Variants in MDC1 observed in about 807,000 individuals in gnomAD.
The protein encoded by MDC1 is mediator of DNA damage checkpoint 1, also known as mediator of DNA damage checkpoint protein 1.
A neutral mutation model predicts 142.5 loss-of-function variants in MDC1; 81 were observed. That is an observed-to-expected ratio of 0.57 (90% CI 0.47 to 0.68). The LOEUF (loss-of-function observed/expected upper bound fraction) is 0.68. MDC1 is among the 30% of genes least tolerant of loss of function. MDC1 has a pLI of 0.00. For missense variants in MDC1, 2,119 were observed against 2,547.9 expected, an observed-to-expected ratio of 0.83 and a Z score of 3.62; for synonymous variants, 797 against 968.4, an observed-to-expected ratio of 0.82 and a Z score of 3.29.
rs758815773 is a variant in MDC1, at chr6:30,711,744, TAA to T, written c.2069-20_2069-19del. ...TTCAGAATCTGGTCGGGGAGGAATA[TAA>T]GACAGTTTAAAACAAAAATCATACC... On this transcript the variant is annotated intron_variant, in intron 5 of 14. Transcript: ENST00000376406. 1.9e-6 allele frequency: 3 copies of T among 1,606,512 alleles called. No homozygotes were observed. Among genetic ancestry groups the T allele is most frequent in the Non-Finnish European group, 1.7e-6 (2 of 1,176,772 alleles).
Position 30,712,037 on chromosome 6 carries a change from C to G in MDC1, c.1905G>C (p.Glu635Asp). Residue 635 changes from glutamate to aspartate, a missense_variant, in exon 5 of 15, where the codon GAG becomes GAC. Coordinates refer to ENST00000376406, the MANE Select transcript of MDC1 (RefSeq NM_014641.3). This position sits in a 1 kb window ranked among gnomAD's most constrained non-coding sequence, Gnocchi z 4.7. ...TCTCTCTTGAGATAGGGAGGTCCTG[C>G]TCCACTTGTGCCACAGGTGGCCCAC... ...AQGGPPVAQV[E>D]QDLPISRENL... 6.3e-7 allele frequency: 1 copy of G among 1,596,096 alleles called. No homozygotes were observed. Among genetic ancestry groups the G allele is most frequent in the Admixed American group, 1.7e-5 (1 of 58,060 alleles).
Position 30,705,623 on chromosome 6 carries a change from G to A in MDC1, c.3560C>T (p.Thr1187Ile). The A allele has an allele frequency of 6.2e-7, 1 of 1,605,042 alleles. No individual in the cohort carries two copies. Among genetic ancestry groups the A allele is most frequent in the Non-Finnish European group, 8.5e-7 (1 of 1,175,908 alleles). The change falls in exon 10 of 15, where the codon ACT becomes ATT. Residue 1187 changes from threonine to isoleucine, a missense_variant. Thr to Ile is a moderately conservative substitution (Grantham distance 89). Transcript: ENST00000376406. ...AGAGGATCTACTTTTTCTTCCCCTA[G>A]TAACCTGAGATGTGGGCTCAGAGGT... ...PVTSEPTSQV[T>I]RGRKSRSSVK...
chr6:30,707,541 T>G (rs746541418), intron 8 of MDC1, 25 bp downstream of exon 8: 1 of 1,612,832 alleles, frequency 6.2e-7, no homozygotes, highest in South Asian at 1.1e-5. Flanking sequence ...TGTATCACCT[T>G]GGGTTCCCCT....
Position 30,704,346 on chromosome 6 carries a change from C to T in MDC1, c.4837G>A (p.Val1613Ile), listed in dbSNP as rs774015361. The T allele has an allele frequency of 1.9e-6, 3 of 1,613,180 alleles. No individual in the cohort carries two copies. The highest frequency in any genetic ancestry group is 2.5e-6 in the Non-Finnish European group (3 of 1,179,712). The change falls in exon 10 of 15, where the codon GTC (valine) becomes ATC (isoleucine). Residue 1613 changes from valine (V) to isoleucine (I), a missense_variant. Physicochemically the swap from Val to Ile is conservative, Grantham distance 29 (BLOSUM62 3). Transcript: ENST00000376406. ...RSSVKTPEPV[V>I]PTAPEPHPTT... ...GGATGGGGCTCAGGGGCTGTGGGGA[C>T]AACTGGCTCAGGGGTCTTGACAGAG...
Position 30,708,156 on chromosome 6 carries a change from T to G in MDC1, c.2423A>C (p.Gln808Pro). ...EPMGIQGRGR[Q>P]TVDKVMGIPK... ...TATACCCATGACTTTATCCACAGTCTGCCTCCCTCTGCCTTGAATCCCCAT... is the reference window on the plus strand; with the variant it reads ...TATACCCATGACTTTATCCACAGTCGGCCTCCCTCTGCCTTGAATCCCCAT... Residue 808 changes from glutamine to proline, a missense_variant, in exon 8 of 15, where the codon CAG becomes CCG. Transcript: ENST00000376406. 4 of 1,613,174 alleles carry G rather than the reference T, an allele frequency of 2.5e-6. No individual in the cohort carries two copies. The highest frequency in any genetic ancestry group is 3.4e-6 in the Non-Finnish European group (4 of 1,180,026).
chr6:30,714,455 A>G (rs1053048738), intron 2 of MDC1, among the ~76,000 whole-genome samples: 1 of 152,262 alleles, frequency 6.6e-6, no homozygotes, highest in African/African-American at 2.4e-5. Context: ...GTGCATTCAC[A>G]CTGTTGTGCA....
rs1774200017 is a variant in MDC1, at chr6:30,708,001, C to T, written c.2578G>A (p.Glu860Lys). ...EELTKGKQDR[E>K]QKQLLARDTQ... The stretch of plus-strand genomic sequence containing the variant: ...TCTCTAGCTAACAACTGTTTTTGTT[C>T]TCTGTCCTGTTTCCCCTTGGTTAAT... Residue 860 changes from glutamate to lysine, a missense_variant, in exon 8 of 15, where the codon GAA (glutamate) becomes AAA (lysine). Physicochemically the swap from Glu to Lys is moderately conservative, Grantham distance 56 (BLOSUM62 1). Transcript: ENST00000376406. The T allele has an allele frequency of 6.2e-7, 1 of 1,613,046 alleles. No homozygotes were observed. Among genetic ancestry groups the T allele is most frequent in the Non-Finnish European group, 8.5e-7 (1 of 1,180,030 alleles).
Position 30,712,632 on chromosome 6 carries a change from T to C in MDC1, c.1310A>G (p.Gln437Arg). 2 of 1,612,906 alleles carry C rather than the reference T, an allele frequency of 1.2e-6. No homozygotes were observed. The highest frequency in any genetic ancestry group is 1.7e-6 in the Non-Finnish European group (2 of 1,179,902). Residue 437 changes from glutamine (Q) to arginine (R), a missense_variant, in exon 5 of 15, where the codon CAA becomes CGA. Physicochemically the swap from Gln to Arg is conservative, Grantham distance 43. Coordinates refer to ENST00000376406, the MANE Select transcript of MDC1 (RefSeq NM_014641.3). The surrounding 1 kb of genome is among the most constrained non-coding windows in gnomAD (Gnocchi z 4.7). ...WNRDAEEDMP[Q>R]RVVLLQRSQT... is the part of the protein sequence containing the mutation. ...GCTTCGCTGCAGAAGGACCACACGT[T>C]GGGGCATGTCCTCTTCTGCATCTCT...
intron 9 of MDC1, among the ~76,000 whole-genome samples, chr6:30,707,049 T>C (rs1385891005): frequency 6.6e-6 from 1 of 152,190 alleles, no homozygotes; most frequent in Non-Finnish European, 1.5e-5. Flanking sequence ...GGGATCTACC[T>C]GGGAAGCTAC....
At position 30,712,475 on chromosome 6, in the gene MDC1, T is replaced by C. The variant is rs61733210; in HGVS notation, c.1467A>G (p.Gln489=). 1.0e-2 allele frequency: 16,073 copies of C among 1,612,872 alleles called. 111 individuals carry two copies. The highest frequency in any genetic ancestry group is 0.012 in the Non-Finnish European group (14,377 of 1,179,978). ...TGTCATCACTGTCCCCAAAAGGAGGTTGGTCCTTTTCTGAATGTGCTCTAA... is the reference window on the plus strand; with the variant it reads ...TGTCATCACTGTCCCCAAAAGGAGGCTGGTCCTTTTCTGAATGTGCTCTAA... ...ALVRAHSEKD[Q]PPFGDSDDSV... Residue 489 remains glutamine, a synonymous_variant, in exon 5 of 15, where the codon CAA becomes CAG. Coordinates refer to ENST00000376406, the MANE Select transcript of MDC1 (RefSeq NM_014641.3). The surrounding 1 kb of genome is among the most constrained non-coding windows in gnomAD (Gnocchi z 4.7).
chr6:30,705,428 G>T lies in MDC1; in HGVS notation c.3755C>A (p.Pro1252His). Residue 1252 changes from proline to histidine, a missense_variant, in exon 10 of 15, where the codon CCT becomes CAT. Transcript: ENST00000376406. ...PVVPTAPELQ[P>H]STSTDQPVTS... ...GACAGGCTGGTCTGTGGAGGTGGAA[G>T]GCTGGAGCTCAGGGGCTGTGGGGAC... 6.2e-7 allele frequency: 1 copy of T among 1,604,356 alleles called. No homozygotes were observed. The highest frequency in any genetic ancestry group is 8.5e-7 in the Non-Finnish European group (1 of 1,176,976).
At position 30,705,497 on chromosome 6, in the gene MDC1, C is replaced by A. The variant is rs1348049159; in HGVS notation, c.3686G>T (p.Arg1229Met). Residue 1229 changes from arginine to methionine, a missense_variant, in exon 10 of 15, where the codon AGG (arginine) becomes ATG (methionine). Transcript: ENST00000376406. ...VTSEPTSQAT[R>M]GRKNRSSVKT... ...GACAGAGGATCTATTTTTTCTTCCCCTAGTAGCCTGAGAGGTGGGTTCAGA... is the reference window on the plus strand; with the variant it reads ...GACAGAGGATCTATTTTTTCTTCCCATAGTAGCCTGAGAGGTGGGTTCAGA... 1.2e-6 allele frequency: 2 copies of A among 1,604,822 alleles called. No individual in the cohort carries two copies. Among genetic ancestry groups the A allele is most frequent in the Non-Finnish European group, 1.7e-6 (2 of 1,176,738 alleles).
chr6:30,700,264 TAAAA>T lies in MDC1; in HGVS notation c.*197_*200del. ...AATACAAATAAAATAAAATGGCCAT[TAAAA>T]AAACAAACAAACAAACAAAAAACAA... On this transcript the variant is annotated 3_prime_UTR_variant, in exon 15 of 15. Transcript: ENST00000376406. 2.2e-6 allele frequency: 1 copy of T among 458,702 alleles called. No homozygotes were observed. Among genetic ancestry groups the T allele is most frequent in the Non-Finnish European group, 3.7e-6 (1 of 267,374 alleles). 28.4% of individuals were successfully genotyped at this position (458,702 alleles called of 1,614,324 possible). A position where few individuals can be genotyped will look rare whatever the true frequency, so the allele number is the denominator to read the frequency against.
chr6:30,703,938 T>G lies in MDC1; in HGVS notation c.5245A>C (p.Lys1749Gln). The change falls in exon 10 of 15, where the codon AAA becomes CAA. Residue 1749 changes from lysine (K) to glutamine (Q), a missense_variant. Lys to Gln is a moderately conservative substitution (Grantham distance 53). Transcript: ENST00000376406. This position sits in a 1 kb window ranked among gnomAD's most constrained non-coding sequence, Gnocchi z 4.4. The part of the protein sequence containing the change: ...HKPCSAPLEP[K>Q]SQASRNQRWG... ...CTTTGGTTCCTTGAGGCCTGGGATT[T>G]AGGTTCCAAGGGTGCAGAGCAAGGC... 6.2e-7 allele frequency: 1 copy of G among 1,614,162 alleles called. No individual in the cohort carries two copies.
intron 14 of MDC1, 25 bp from the exon 15 acceptor site, chr6:30,700,657 A>C (rs1323558247): frequency 6.2e-7 from 1 of 1,611,298 alleles, no homozygotes; most frequent in African/African-American, 1.3e-5. Context: ...GCAAAGGCAA[A>C]ATCAGGTGAA....
intron 9 of MDC1, among the ~76,000 whole-genome samples, chr6:30,706,549 G>A (rs1773857857): frequency 6.6e-6 from 1 of 151,270 alleles, no homozygotes; most frequent in Non-Finnish European, 1.5e-5. Context: ...GTGAACTCGG[G>A]AGGCGGAGCT....
At chr6:30,706,224 C>A (rs543569737) in intron 9 of MDC1, 126 bp from the exon 10 acceptor site, 8 of 807,548 alleles carry the variant, frequency 9.9e-6, no homozygotes, top group Non-Finnish European at 1.3e-5. Context: ...TGGTGGCTCA[C>A]GGCTATAATC....
At position 30,713,312 on chromosome 6, in the gene MDC1, C is replaced by T. The variant is rs753850236; in HGVS notation, c.630G>A (p.Pro210=). 1.8e-5 allele frequency: 28 copies of T among 1,596,842 alleles called. No homozygotes were observed. The South Asian group carries it at 2.2e-4, about 13-fold the overall frequency. The change falls in exon 5 of 15, where the codon CCG becomes CCA. Residue 210 remains proline (P), a synonymous_variant. Transcript: ENST00000376406. The surrounding 1 kb of genome is among the most constrained non-coding windows in gnomAD (Gnocchi z 4.9). ...CACTGTTCAAATTGAAGGCAAAAGG[C>T]GGCCCAAGGCCGCCCAGGACCGGGG... The part of the protein sequence containing the change: ...GHSPVLGGLG[P]PFAFNLNSDT...
rs568363054 is a variant in MDC1 at position 30,716,502 on chromosome 6, G to C, written c.-4+743C>G. On this transcript the variant is annotated intron_variant, in intron 1 of 14. Transcript: ENST00000376406. The surrounding 1 kb of genome is among the most constrained non-coding windows in gnomAD (Gnocchi z 4.4). The stretch of plus-strand genomic sequence containing the variant: ...GTTGGGATTACAGCAGTGAGCAACC[G>C]CGCCCGGCCTCAAATGTCACTTTCT... Among the ~76,000 whole-genome samples the C allele has an allele frequency of 2.6e-5, 4 of 152,302 alleles. 1 individual carries two copies. The highest frequency in any genetic ancestry group is 9.6e-5 in the African/African-American group (4 of 41,556).
Sources: gnomAD v4.1 joint callset for allele counts (sites outside exome capture counted in the v4.1 genomes callset) on GRCh38, gnomAD v4.1.1 for gene constraint, Gnocchi (gnomAD v3.1) non-coding constraint, MANE v1.5 for transcripts, NCBI Gene and HGNC (gene_info 2026-07-23, HGNC 2026-07-21) for gene names.